The following FRS2 variants were observed in gnomAD, a reference collection of about 807,000 sequenced individuals.
FRS2 encodes the protein fibroblast growth factor receptor substrate 2.
In FRS2, 8 loss-of-function variants were observed where a neutral mutation model predicts 43.9. That is an observed-to-expected ratio of 0.18 (90% CI 0.11 to 0.33). The LOEUF (loss-of-function observed/expected upper bound fraction) is 0.33. Ranked by LOEUF, FRS2 falls within the 10% of genes least tolerant of loss-of-function variation. FRS2 has a pLI of 1.00. For synonymous variants in FRS2, 219 were observed against 220.3 expected (o/e 0.99, Z 0.05); for missense variants, 534 against 627.6 (o/e 0.85, Z 1.59).
chr12:69,533,423 C>T (rs936180006), intron 3 of FRS2, among the ~76,000 whole-genome samples: 2 of 151,716 alleles, frequency 1.3e-5, no homozygotes, highest in Non-Finnish European at 1.5e-5. Flanking sequence ...GATCTTGGCT[C>T]ACCACAGCCT....
At chr12:69,530,587 T>A (rs1028028239) in intron 1 of FRS2, among the ~76,000 whole-genome samples, 6 of 151,880 alleles carry the variant, frequency 4.0e-5, no homozygotes, top group Non-Finnish European at 7.4e-5. Context: ...AATAATAATT[T>A]AAAAAATTGG....
intron 3 of FRS2, among the ~76,000 whole-genome samples, chr12:69,554,678 C>G (rs1025197042): frequency 6.6e-6 from 1 of 152,112 alleles, no homozygotes; most frequent in Non-Finnish European, 1.5e-5. Context: ...GTTCCAGGAT[C>G]CAACCTAGGG....
chr12:69,555,300 C>A (rs1879242373), intron 3 of FRS2, among the ~76,000 whole-genome samples: 1 of 152,196 alleles, frequency 6.6e-6, no homozygotes, highest in African/African-American at 2.4e-5. Context: ...CCCGCCTCAG[C>A]CTCCCAAAGT....
Position 69,573,998 on chromosome 12 carries a change from G to C in FRS2, c.577-7G>C, listed in dbSNP as rs1252263606. On this transcript the variant is annotated splice_region_variant and splice_polypyrimidine_tract_variant and intron_variant, in intron 8 of 8. Transcript: ENST00000549921. ...AGTTAACTAATTCACTTTCTGTTTT[G>C]TTTTAGGTACATACCTATGTCAACA... is the stretch of plus-strand genomic sequence containing the variant. 6.4e-7 allele frequency: 1 copy of C among 1,563,848 alleles called. No individual in the cohort carries two copies. The highest frequency in any genetic ancestry group is 2.0e-5 in the Admixed American group (1 of 50,624).
intron 3 of FRS2, among the ~76,000 whole-genome samples, chr12:69,544,703 T>C (rs565289237): frequency 6.6e-6 from 1 of 151,802 alleles, no homozygotes; most frequent in South Asian, 2.1e-4. Context: ...AGACTCCATC[T>C]CGGAAAAAAA....
intron 3 of FRS2, among the ~76,000 whole-genome samples, chr12:69,542,664 G>A (rs946757059): frequency 3.9e-5 from 6 of 152,070 alleles, no homozygotes; most frequent in South Asian, 2.1e-4. Context: ...TTCTATTTTC[G>A]CTGAAATAAC....
In FRS2 at chr12:69,579,525, A is replaced by G. The variant is rs1179123143; in HGVS notation, c.*4570A>G. 6.5e-6 allele frequency: 1 copy of G among 152,678 alleles called. No individual in the cohort carries two copies. Among genetic ancestry groups the G allele is most frequent in the Non-Finnish European group, 1.5e-5 (1 of 68,046 alleles). 9.5% of individuals were successfully genotyped at this position (152,678 alleles called of 1,614,324 possible). On this transcript the variant is annotated 3_prime_UTR_variant, in exon 9 of 9. Transcript: ENST00000549921. ...TTGTAGAGTATTAGTATACTGTCCT[A>G]CAAATTATGTAAAATATGGTTTAAT... is the stretch of plus-strand genomic sequence containing the variant.
intron 6 of FRS2, 58 bp from the exon 7 acceptor site, chr12:69,571,217 TC>T: frequency 1.8e-6 from 2 of 1,125,564 alleles, no homozygotes; most frequent in Non-Finnish European, 1.3e-6. Context: ...TGTCAAGTGT[TC>T]CTATAGTTTT....
At chr12:69,550,199 T>C (rs927124852) in intron 3 of FRS2, among the ~76,000 whole-genome samples, 1 of 152,222 alleles carries the variant, frequency 6.6e-6, no homozygotes, top group African/African-American at 2.4e-5. Context: ...CAACTAAAAA[T>C]GTATTTTCCT....
chr12:69,521,077 T>C (rs1875592604), intron 1 of FRS2, among the ~76,000 whole-genome samples: 1 of 152,232 alleles, frequency 6.6e-6, no homozygotes. Flanking sequence ...TCTGATTTCT[T>C]TGAGCAGTGT....
At chr12:69,521,209 G>T (rs1289239811) in intron 1 of FRS2, among the ~76,000 whole-genome samples, 2 of 152,134 alleles carry the variant, frequency 1.3e-5, no homozygotes, top group Non-Finnish European at 2.9e-5. Context: ...TAGCATGGCT[G>T]TTGTTGGTGT....
At chr12:69,500,476 T>C (rs1247722733) in intron 1 of FRS2, among the ~76,000 whole-genome samples, 1 of 152,150 alleles carries the variant, frequency 6.6e-6, no homozygotes, top group South Asian at 2.1e-4. Context: ...AGAATATAAA[T>C]TAGTAAATGA....
intron 1 of FRS2, among the ~76,000 whole-genome samples, chr12:69,486,536 C>T (rs1387622687): frequency 6.6e-6 from 1 of 152,136 alleles, no homozygotes; most frequent in African/African-American, 2.4e-5. Flanking sequence ...GCCAGTTAGT[C>T]CTATGATGGC....
intron 4 of FRS2, among the ~76,000 whole-genome samples, chr12:69,562,835 G>A (rs1335149560): frequency 6.6e-6 from 1 of 151,988 alleles, no homozygotes; most frequent in African/African-American, 2.4e-5. Context: ...GACTACAGGT[G>A]TGTGCCACTG....
intron 3 of FRS2, among the ~76,000 whole-genome samples, chr12:69,535,480 CAGAT>C (rs1427280592): frequency 2.4e-4 from 36 of 152,026 alleles, no homozygotes; most frequent in African/African-American, 7.0e-4. Context: ...TTTTCATAAT[CAGAT>C]AGTCTCTTTG....
intron 1 of FRS2, among the ~76,000 whole-genome samples, chr12:69,520,378 T>G (rs1245768148): frequency 1.9e-5 from 1 of 53,656 alleles, no homozygotes; most frequent in African/African-American, 1.6e-4. Context: ...TATTATTAGT[T>G]TTTTTTTTTT....
chr12:69,532,560 T>C (rs1876908781), intron 3 of FRS2, among the ~76,000 whole-genome samples: 1 of 152,188 alleles, frequency 6.6e-6, no homozygotes, highest in African/African-American at 2.4e-5. Context: ...GCTTCTTTTA[T>C]AAACGCCTTA....
In FRS2 at chr12:69,538,197, T is replaced by TTATATATATATATATATATATATATA. The variant is rs151295024; in HGVS notation, c.-122+6142_-122+6167dup. On this transcript the variant is annotated intron_variant, in intron 3 of 8. Transcript: ENST00000549921. ...AATAATAAAATTAAAAAAACAAATT[T>TTATATATATATATATATATATATATA]TATATATATATATATATATATATAT... Among the ~76,000 whole-genome samples, 381 of 81,160 alleles carry TTATATATATATATATATATATATATA rather than the reference T, an allele frequency of 4.7e-3. 8 individuals are homozygous for TTATATATATATATATATATATATATA. Among genetic ancestry groups the TTATATATATATATATATATATATATA allele is most frequent in the East Asian group, 9.2e-3 (13 of 1,412 alleles). The allele number at this position is 81,160 out of a possible 152,430, so 53.2% of individuals were successfully genotyped here.
intron 8 of FRS2, among the ~76,000 whole-genome samples, chr12:69,573,175 C>T (rs1294825383): frequency 6.6e-6 from 1 of 152,148 alleles, no homozygotes; most frequent in Non-Finnish European, 1.5e-5. Flanking sequence ...TACTATTAAG[C>T]TTTTCTAAAT....
Sources: allele counts gnomAD v4.1 joint callset (sites outside exome capture counted in the v4.1 genomes callset), GRCh38; gene constraint gnomAD v4.1.1; transcripts MANE v1.5; gene names NCBI Gene and HGNC (gene_info 2026-07-23, HGNC 2026-07-21).